Variants in SIL1 observed in about 807,000 individuals in gnomAD.
SIL1 encodes nucleotide exchange factor SIL1.
A neutral mutation model predicts 49.1 loss-of-function variants in SIL1; 40 were observed. The observed-to-expected ratio is 0.81, with a 90% CI of 0.63 to 1.06. The LOEUF is 1.06. SIL1 is among the 50% of genes least tolerant of loss of function. The pLI, the probability that SIL1 is intolerant of heterozygous loss-of-function variation, is 0.00. For synonymous variants in SIL1, 253 were observed against 250.8 expected, an observed-to-expected ratio of 1.01 and a Z score of -0.08; for missense variants, 500 against 572.6, an observed-to-expected ratio of 0.87 and a Z score of 1.29.
At chr5:139,018,003 C>T (rs1768437702) in intron 7 of SIL1, among the ~76,000 whole-genome samples, 1 of 152,182 alleles carries the variant, frequency 6.6e-6, no homozygotes, top group Non-Finnish European at 1.5e-5. Context: ...CCTACCCCTG[C>T]ATATCTTTTT....
intron 1 of SIL1, among the ~76,000 whole-genome samples, chr5:139,167,101 C>G (rs571040446): frequency 6.6e-6 from 1 of 151,030 alleles, no homozygotes; most frequent in Non-Finnish European, 1.5e-5. Flanking sequence ...CGTGAGCCAC[C>G]GCGCCCAGCC....
chr5:139,104,003 C>T (rs1770648480), intron 3 of SIL1, among the ~76,000 whole-genome samples: 1 of 150,796 alleles, frequency 6.6e-6, no homozygotes, highest in Admixed American at 6.6e-5. Context: ...CAGCTCTAGA[C>T]ACATCTACAC....
At chr5:139,021,373 C>T (rs2150428409) in intron 6 of SIL1, 81 bp from the exon 7 acceptor site, 3 of 1,566,998 alleles carry the variant, frequency 1.9e-6, no homozygotes, top group East Asian at 2.3e-5. Context: ...TTGGTGACTA[C>T]CCAAAAACAA....
chr5:139,011,436 G>A (rs1422076315), intron 7 of SIL1, among the ~76,000 whole-genome samples: 3 of 152,312 alleles, frequency 2.0e-5, no homozygotes, highest in East Asian at 1.9e-4. Flanking sequence ...CGTCGGTCAC[G>A]CTGGGAGCTG....
chr5:139,150,743 A>T (rs1005618231), intron 1 of SIL1, among the ~76,000 whole-genome samples: 15 of 152,198 alleles, frequency 9.9e-5, no homozygotes, highest in Non-Finnish European at 1.8e-4. Flanking sequence ...CAATAGCAGT[A>T]ACAAGCTAGA....
chr5:138,967,729 A>G (rs1389956966), intron 7 of SIL1, among the ~76,000 whole-genome samples: 1 of 152,220 alleles, frequency 6.6e-6, no homozygotes, highest in Non-Finnish European at 1.5e-5. Context: ...TCAATGCCAC[A>G]TGGGCCTCAG....
intron 3 of SIL1, among the ~76,000 whole-genome samples, chr5:139,093,156 C>T (rs1770380970): frequency 6.6e-6 from 1 of 152,168 alleles, no homozygotes; most frequent in Non-Finnish European, 1.5e-5. Flanking sequence ...GCAAGTTCAG[C>T]CCCATTCTGC....
intron 5 of SIL1, among the ~76,000 whole-genome samples, chr5:139,037,134 TC>T (rs1561837766): frequency 6.8e-6 from 1 of 147,982 alleles, no homozygotes; most frequent in African/African-American, 2.7e-5. Flanking sequence ...GTTCATTTTT[TC>T]CCCCAGCAAT....
At chr5:139,113,442 C>T (rs1309438405) in intron 3 of SIL1, among the ~76,000 whole-genome samples, 2 of 151,984 alleles carry the variant, frequency 1.3e-5, no homozygotes, top group Non-Finnish European at 2.9e-5. Context: ...TGCCCACCCC[C>T]ACCACCTCAT....
rs138407872 is a variant in SIL1, at chr5:138,998,229, G to T, written c.767+22942C>A. ...GGGTCTCACTCTGTTACTCAGGCTG[G>T]AGTGTGGTGGTGTGATCACAGCTCA... On this transcript the variant is annotated intron_variant, in intron 7 of 9. Coordinates refer to ENST00000394817, the MANE Select transcript of SIL1 (RefSeq NM_022464.5). Among the ~76,000 whole-genome samples the T allele has an allele frequency of 1.3e-3, 193 of 152,194 alleles. 1 individual carries two copies. The highest frequency in any genetic ancestry group is 4.3e-3 in the African/African-American group (178 of 41,520).
chr5:138,994,853 C>G (rs1346660977), intron 7 of SIL1, among the ~76,000 whole-genome samples: 1 of 152,184 alleles, frequency 6.6e-6, no homozygotes. Context: ...TCTCCCACCT[C>G]TTGCCCCCCA....
intron 7 of SIL1, among the ~76,000 whole-genome samples, chr5:138,970,771 G>A (rs1767252216): frequency 6.6e-6 from 1 of 152,170 alleles, no homozygotes; most frequent in South Asian, 2.1e-4. Flanking sequence ...GTGTGGCGAT[G>A]CGCACCTGTA....
intron 3 of SIL1, among the ~76,000 whole-genome samples, chr5:139,074,341 G>A (rs1482351886): frequency 6.6e-6 from 1 of 152,220 alleles, no homozygotes; most frequent in Non-Finnish European, 1.5e-5. Flanking sequence ...ATAGGCATGA[G>A]CCATCATGGC....
intron 1 of SIL1, among the ~76,000 whole-genome samples, chr5:139,160,843 T>C (rs1290763637): frequency 6.7e-6 from 1 of 149,490 alleles, no homozygotes; most frequent in Non-Finnish European, 1.5e-5. Flanking sequence ...TAAAAAAGGG[T>C]GGGGGTAGCA....
intron 5 of SIL1, among the ~76,000 whole-genome samples, chr5:139,032,426 T>C (rs936709901): frequency 8.5e-5 from 13 of 152,250 alleles, no homozygotes; most frequent in African/African-American, 3.1e-4. Flanking sequence ...CATGTGATTA[T>C]ATATAATGCA....
At chr5:139,128,049 T>C (rs1033381401) in intron 1 of SIL1, 196 bp from the exon 2 acceptor site, 6 of 611,326 alleles carry the variant, frequency 9.8e-6, no homozygotes, top group Non-Finnish European at 1.8e-5. Context: ...ACAAGAGATA[T>C]GCCCTGGGTA....
At chr5:139,135,154 G>C (rs1750946890) in intron 1 of SIL1, among the ~76,000 whole-genome samples, 1 of 152,224 alleles carries the variant, frequency 6.6e-6, no homozygotes. Context: ...TAAATGGAAA[G>C]TCTTTGAACA....
intron 3 of SIL1, among the ~76,000 whole-genome samples, chr5:139,112,785 C>G (rs954092333): frequency 6.6e-6 from 1 of 152,142 alleles, no homozygotes; most frequent in Non-Finnish European, 1.5e-5. Context: ...GCCACCACCC[C>G]GTCTGGGAGG....
intron 5 of SIL1, among the ~76,000 whole-genome samples, chr5:139,030,684 G>C (rs1445930174): frequency 6.6e-6 from 1 of 150,596 alleles, no homozygotes; most frequent in Admixed American, 6.6e-5. Context: ...ACTATTTTTT[G>C]TAGAAAACAT....
Sources: gnomAD v4.1 joint callset for allele counts (sites outside exome capture counted in the v4.1 genomes callset) on GRCh38, gnomAD v4.1.1 for gene constraint, MANE v1.5 for transcripts, NCBI Gene and HGNC (gene_info 2026-07-23, HGNC 2026-07-21) for gene names.